Variants in LRRC63 observed in about 807,000 individuals in gnomAD.
LRRC63 encodes the protein leucine rich repeat containing 63.
LRRC63 carries 40 observed loss-of-function variants against 49.5 expected under a neutral mutation model. The observed-to-expected ratio is 0.81, with a 90% CI of 0.63 to 1.05. The LOEUF (loss-of-function observed/expected upper bound fraction) is 1.05, where lower values mean the gene tolerates loss of function less well. Among genes scored for constraint, LRRC63 ranks in the 50% least tolerant of loss-of-function variants. The pLI is 0.00. For synonymous variants in LRRC63, 191 were observed against 221.1 expected (o/e 0.86, Z 1.21); for missense variants, 636 against 663.1 (o/e 0.96, Z 0.45).
chr13:46,236,811 T>C (rs749057834), intron 5 of LRRC63, among the ~76,000 whole-genome samples: 7 of 152,212 alleles, frequency 4.6e-5, no homozygotes, highest in Non-Finnish European at 1.0e-4. Context: ...TATATTACTT[T>C]TTCTTTCTTA....
At chr13:46,244,748 T>C (rs2047165842) in intron 5 of LRRC63, among the ~76,000 whole-genome samples, 2 of 151,940 alleles carry the variant, frequency 1.3e-5, no homozygotes, top group African/African-American at 2.4e-5. Context: ...CCAGGCAGGG[T>C]GACAGAGCGA....
chr13:46,249,594 T>C (rs561228574), intron 6 of LRRC63, among the ~76,000 whole-genome samples: 24 of 151,956 alleles, frequency 1.6e-4, no homozygotes, highest in African/African-American at 5.5e-4. Context: ...TCCATGATCT[T>C]AAAAATTATA....
intron 7 of LRRC63, among the ~76,000 whole-genome samples, chr13:46,258,795 A>G (rs1386461602): frequency 1.4e-5 from 2 of 142,676 alleles, no homozygotes; most frequent in Non-Finnish European, 3.0e-5. Context: ...GTGACAGAGC[A>G]AGACTCTGTC....
At chr13:46,214,399 A>G (rs2046185159) in intron 2 of LRRC63, among the ~76,000 whole-genome samples, 1 of 152,174 alleles carries the variant, frequency 6.6e-6, no homozygotes, top group Non-Finnish European at 1.5e-5. Flanking sequence ...TGCATTTACA[A>G]TCTGTTCTGT....
intron 5 of LRRC63, among the ~76,000 whole-genome samples, chr13:46,244,206 A>G (rs2047147663): frequency 6.6e-6 from 1 of 152,212 alleles, no homozygotes; most frequent in Admixed American, 6.5e-5. Flanking sequence ...ATTTGACAAC[A>G]GGAGTACAAA....
intron 9 of LRRC63, among the ~76,000 whole-genome samples, chr13:46,270,858 A>G (rs1423155831): frequency 1.3e-5 from 2 of 152,196 alleles, no homozygotes; most frequent in Non-Finnish European, 2.9e-5. Context: ...GTTCTCTTGC[A>G]TCTCTCTAAC....
At chr13:46,228,568 T>G in intron 3 of LRRC63, 97 bp from the exon 4 acceptor site, 1 of 719,352 alleles carries the variant, frequency 1.4e-6, no homozygotes, top group Non-Finnish European at 2.4e-6. Context: ...ATAATTGGAA[T>G]CCATTAAATG....
At chr13:46,234,460 C>A in intron 5 of LRRC63, 111 bp downstream of exon 5, 2 of 1,011,476 alleles carry the variant, frequency 2.0e-6, no homozygotes, top group Non-Finnish European at 2.8e-6. Context: ...TTTCCTATTA[C>A]AATAGAGATT....
chr13:46,269,828 T>C (rs1054519428), intron 9 of LRRC63, among the ~76,000 whole-genome samples: 5 of 147,900 alleles, frequency 3.4e-5, no homozygotes, highest in East Asian at 1.9e-4. Flanking sequence ...GCTATAGATA[T>C]ATATACTATA....
At chr13:46,216,477 G>A (rs2046254767) in intron 2 of LRRC63, among the ~76,000 whole-genome samples, 1 of 152,166 alleles carries the variant, frequency 6.6e-6, no homozygotes, top group Admixed American at 6.5e-5. Context: ...TGTATCCTGA[G>A]ACTTTGCTGA....
At chr13:46,270,239 C>T in intron 9 of LRRC63, 4 of 879,232 alleles carry the variant, frequency 4.5e-6, no homozygotes, top group Non-Finnish European at 7.8e-6. Context: ...AGAATCTCAT[C>T]CAGTTCTTCA....
chr13:46,246,447 C>A, intron 5 of LRRC63, 80 bp from the exon 6 acceptor site: 1 of 555,060 alleles, frequency 1.8e-6, no homozygotes, highest in Non-Finnish European at 2.9e-6. Context: ...AAATTATGTG[C>A]TGATTTTGTT....
intron 9 of LRRC63, among the ~76,000 whole-genome samples, chr13:46,267,388 G>GT (rs1244392333): frequency 6.6e-6 from 1 of 152,146 alleles, no homozygotes; most frequent in Admixed American, 6.5e-5. Context: ...CTCCCTCAGG[G>GT]TATCAATGAC....
intron 5 of LRRC63, among the ~76,000 whole-genome samples, chr13:46,239,376 A>G (rs985641201): frequency 1.3e-5 from 2 of 152,194 alleles, no homozygotes; most frequent in Non-Finnish European, 2.9e-5. Context: ...CACACAAAGT[A>G]GAAAACCTAG....
At chr13:46,245,475 A>G (rs1027691332) in intron 5 of LRRC63, among the ~76,000 whole-genome samples, 14 of 152,204 alleles carry the variant, frequency 9.2e-5, no homozygotes, top group Admixed American at 9.2e-4. Context: ...CTGTCTCAGG[A>G]AATTTTAAAA....
chr13:46,273,632 G>C (rs1185633383), intron 9 of LRRC63, among the ~76,000 whole-genome samples: 4 of 150,818 alleles, frequency 2.7e-5, no homozygotes, highest in African/African-American at 9.8e-5. Context: ...AGTAGCGGTG[G>C]CTGGGCATGG....
intron 8 of LRRC63, among the ~76,000 whole-genome samples, chr13:46,262,699 C>A (rs986470455): frequency 6.6e-6 from 1 of 151,880 alleles, no homozygotes; most frequent in African/African-American, 2.4e-5. Flanking sequence ...ATTTATGACT[C>A]ACGTCATATT....
intron 9 of LRRC63, among the ~76,000 whole-genome samples, chr13:46,275,652 T>C (rs2047825281): frequency 1.0e-5 from 1 of 95,282 alleles, no homozygotes; most frequent in African/African-American, 4.6e-5. Flanking sequence ...CATTTTAAAA[T>C]CAGATTTTTT....
At chr13:46,214,648 TAA>T (rs568422359) in intron 2 of LRRC63, among the ~76,000 whole-genome samples, 2 of 139,688 alleles carry the variant, frequency 1.4e-5, no homozygotes, top group Admixed American at 7.1e-5. Context: ...TTATTTCTTC[TAA>T]AAAAAAAAAA....
Sources: allele counts gnomAD v4.1 joint callset (sites outside exome capture counted in the v4.1 genomes callset), GRCh38; gene constraint gnomAD v4.1.1; transcripts MANE v1.5; gene names NCBI Gene and HGNC (gene_info 2026-07-23, HGNC 2026-07-21).